LCP1: variants seen among roughly 807,000 people sequenced by gnomAD.
LCP1 encodes lymphocyte cytosolic protein 1, also known as plastin-2.
A neutral mutation model predicts 72.0 loss-of-function variants in LCP1; 23 were observed. The observed-to-expected ratio is 0.32, with a 90% confidence interval of 0.23 to 0.45. The LOEUF (loss-of-function observed/expected upper bound fraction) is 0.45, where lower values mean the gene tolerates loss of function less well. Among genes scored for constraint, LCP1 ranks in the 20% least tolerant of loss-of-function variants. The probability of loss-of-function intolerance (pLI) is 1.00; values close to 1 mark genes in which losing one functional copy is unlikely to be tolerated. For missense variants in LCP1, 571 were observed against 748.3 expected (o/e 0.76, Z 2.76); for synonymous variants, 245 against 275.4 (o/e 0.89, Z 1.09).
intron 7 of LCP1, 104 bp from the exon 8 acceptor site, chr13:46,151,182 C>T (rs1228930034): frequency 1.7e-5 from 19 of 1,122,256 alleles, no homozygotes; most frequent in Middle Eastern, 2.9e-4. Context: ...AAGATAACAA[C>T]GTTACCTCTT....
chr13:46,163,877 C>A (rs915336709), intron 1 of LCP1, among the ~76,000 whole-genome samples: 1 of 152,200 alleles, frequency 6.6e-6, no homozygotes, highest in Non-Finnish European at 1.5e-5. Flanking sequence ...TCTACCATAT[C>A]CACATATGCA....
intron 1 of LCP1, among the ~76,000 whole-genome samples, chr13:46,179,433 A>G (rs2045946492): frequency 6.6e-6 from 1 of 152,234 alleles, no homozygotes; most frequent in Admixed American, 6.5e-5. Context: ...TACATGTGCC[A>G]GGAAAGATGG....
At chr13:46,181,740 C>T (rs891383319) in intron 1 of LCP1, among the ~76,000 whole-genome samples, 5 of 152,162 alleles carry the variant, frequency 3.3e-5, no homozygotes, top group Non-Finnish European at 7.3e-5. Flanking sequence ...TATCAATACG[C>T]GCTTTTCCTG....
intron 7 of LCP1, among the ~76,000 whole-genome samples, 181 bp from the exon 8 acceptor site, chr13:46,151,259 C>T (rs140054742): frequency 1.1e-3 from 161 of 152,292 alleles, no homozygotes; most frequent in East Asian, 3.9e-3. Context: ...TAAAAAGAGG[C>T]GTAAGCCATT....
chr13:46,181,463 A>G (rs1312800451), intron 1 of LCP1, among the ~76,000 whole-genome samples: 1 of 152,248 alleles, frequency 6.6e-6, no homozygotes, highest in Admixed American at 6.5e-5. Context: ...CTACAAAAAC[A>G]CTACAATTAA....
In LCP1 at chr13:46,163,942, T is replaced by C. The variant is rs113646364; in HGVS notation, c.-24-4256A>G. The stretch of plus-strand genomic sequence containing the variant: ...GTCCAGCCCTTCATGTTTTTAAATG[T>C]CTTAAGACCTCTTGGTTCATAGGTG... On this transcript the variant is annotated intron_variant, in intron 1 of 15. Coordinates refer to ENST00000323076, the MANE Select transcript of LCP1 (RefSeq NM_002298.5). Among the ~76,000 whole-genome samples, 1,384 of 152,352 alleles carry C rather than the reference T, an allele frequency of 9.1e-3. 19 individuals carry two copies. The highest frequency in any genetic ancestry group is 0.031 in the African/African-American group (1,274 of 41,586).
chr13:46,177,721 C>CAAAG (rs1402639450), intron 1 of LCP1, among the ~76,000 whole-genome samples: 1 of 152,032 alleles, frequency 6.6e-6, no homozygotes, highest in Non-Finnish European at 1.5e-5. Flanking sequence ...AACAAACAAA[C>CAAAG]AAAAGACTAA....
chr13:46,155,589 C>A (rs1400988048), intron 5 of LCP1, among the ~76,000 whole-genome samples: 1 of 152,132 alleles, frequency 6.6e-6, no homozygotes, highest in Non-Finnish European at 1.5e-5. Context: ...GTCTTTCCCA[C>A]CCATTGTTAT....
At chr13:46,179,199 T>C (rs1487238598) in intron 1 of LCP1, among the ~76,000 whole-genome samples, 3 of 152,250 alleles carry the variant, frequency 2.0e-5, no homozygotes, top group African/African-American at 7.2e-5. Context: ...GGTCAATGTC[T>C]ATATGATACT....
At chr13:46,152,060 TG>T (rs1185740867) in intron 7 of LCP1, among the ~76,000 whole-genome samples, 2 of 152,238 alleles carry the variant, frequency 1.3e-5, no homozygotes, top group Non-Finnish European at 2.9e-5. Flanking sequence ...GTGTGTAACG[TG>T]ATGTTTTGGT....
chr13:46,158,258 T>C (rs574672523), intron 4 of LCP1, among the ~76,000 whole-genome samples: 128 of 152,338 alleles, frequency 8.4e-4, no homozygotes, highest in Non-Finnish European at 1.1e-3. Context: ...GTAGCTAATT[T>C]TGTCCATAAG....
chr13:46,163,945 T>C (rs2045862026), intron 1 of LCP1, among the ~76,000 whole-genome samples: 2 of 152,236 alleles, frequency 1.3e-5, no homozygotes, highest in Non-Finnish European at 2.9e-5. Flanking sequence ...TTAAATGTCT[T>C]AAGACCTCTT....
At chr13:46,142,566 T>C in intron 12 of LCP1, 141 bp from the exon 13 acceptor site, 1 of 866,510 alleles carries the variant, frequency 1.2e-6, no homozygotes, top group East Asian at 2.7e-5. Flanking sequence ...GGTTCTGCAA[T>C]TCTAGGATTC....
chr13:46,142,929 C>CTCA (rs1566436452), intron 12 of LCP1: 1 of 355,526 alleles, frequency 2.8e-6, no homozygotes, highest in African/African-American at 2.1e-5. Context: ...ACTGTGTTGA[C>CTCA]AGTCGACAAA....
Position 46,158,986 on chromosome 13 carries a change from G to A in LCP1, c.68C>T (p.Thr23Ile). 1.2e-6 allele frequency: 2 copies of A among 1,613,956 alleles called. No homozygotes were observed. Among genetic ancestry groups the A allele is most frequent in the Non-Finnish European group, 8.5e-7 (1 of 1,179,972 alleles). The stretch of plus-strand genomic sequence containing the variant: ...GAAGCTGATGTATCCATTGCCATCA[G>A]TATCTGTAATGTACACAATATACTG... ...ELREAFAKVD[T>I]DGNGYISFNE... The change falls in exon 3 of 16, where the codon ACT becomes ATT. Residue 23 changes from threonine to isoleucine, a missense_variant. Thr to Ile is a moderately conservative substitution (Grantham distance 89). Transcript: ENST00000323076.
In LCP1 at chr13:46,158,867, G is replaced by A; in HGVS notation, c.187C>T (p.Leu63=). ...ITENLMATGD[L]DQDGRISFDE... is the part of the protein sequence containing the mutation. Reference sequence around the variant, plus strand: ...AAGCTGATCCTTCCATCTTGGTCCAGATCACCTGTAGCCATCAGGTTTTCT... The same window carrying A: ...AAGCTGATCCTTCCATCTTGGTCCAAATCACCTGTAGCCATCAGGTTTTCT... The change falls in exon 3 of 16, where the codon CTG becomes TTG. Residue 63 remains leucine (L), a synonymous_variant. Transcript: ENST00000323076. 6.2e-7 allele frequency: 1 copy of A among 1,614,134 alleles called. No homozygotes were observed. Among genetic ancestry groups the A allele is most frequent in the Non-Finnish European group, 8.5e-7 (1 of 1,180,024 alleles).
chr13:46,149,352 T>C (rs1723430266), intron 8 of LCP1, among the ~76,000 whole-genome samples: 1 of 152,192 alleles, frequency 6.6e-6, no homozygotes, highest in Admixed American at 6.5e-5. Flanking sequence ...AAAATGATCT[T>C]CATCTCCCTT....
chr13:46,170,392 A>G (rs1379403960), intron 1 of LCP1, among the ~76,000 whole-genome samples: 1 of 152,210 alleles, frequency 6.6e-6, no homozygotes, highest in East Asian at 1.9e-4. Flanking sequence ...CTGAGATTGC[A>G]GATCCTGAGG....
At position 46,127,386 on chromosome 13, in the gene LCP1, T is replaced by C. The variant is rs2045605012; in HGVS notation, c.*205A>G. On this transcript the variant is annotated 3_prime_UTR_variant, in exon 16 of 16. Coordinates refer to ENST00000323076, the MANE Select transcript of LCP1 (RefSeq NM_002298.5). ...CAAATAAATCAAGAATAGAAACCTA[T>C]ATATAGGAGGTTGGGCCTCCTGCAA... 3.7e-6 allele frequency: 2 copies of C among 536,488 alleles called. No individual in the cohort carries two copies. The highest frequency in any genetic ancestry group is 6.6e-6 in the Non-Finnish European group (2 of 304,438). 33.2% of individuals were successfully genotyped at this position (536,488 alleles called of 1,614,324 possible). A position where few individuals can be genotyped will look rare whatever the true frequency, so the allele number is the denominator to read the frequency against.
Sources: gnomAD v4.1 joint callset for allele counts (sites outside exome capture counted in the v4.1 genomes callset) on GRCh38, gnomAD v4.1.1 for gene constraint, MANE v1.5 for transcripts, NCBI Gene and HGNC (gene_info 2026-07-23, HGNC 2026-07-21) for gene names.